MACF1: variants seen among roughly 807,000 people sequenced by gnomAD.
The protein encoded by MACF1 is microtubule actin crosslinking factor 1, also known as microtubule-actin cross-linking factor 1.
Under a neutral mutation model 854.8 loss-of-function variants are expected in MACF1, and 193 were observed. The ratio of observed to expected loss-of-function variants is 0.23; its 90% confidence interval spans 0.20 to 0.25. MACF1 has a LOEUF of 0.25. MACF1 is among the 10% of genes least tolerant of loss of function. The probability of loss-of-function intolerance (pLI) is 1.00; values close to 1 mark genes in which losing one functional copy is unlikely to be tolerated. For missense variants in MACF1, 7,722 were observed against 8,929.1 expected, an observed-to-expected ratio of 0.86 and a Z score of 5.45; for synonymous variants, 3,185 against 3,226.7, an observed-to-expected ratio of 0.99 and a Z score of 0.44.
intron 95 of MACF1, among the ~76,000 whole-genome samples, chr1:39,466,108 A>C (rs1644662533): frequency 6.6e-6 from 1 of 152,204 alleles, no homozygotes; most frequent in South Asian, 2.1e-4. Context: ...CAGGCAACTG[A>C]GGCCTCAAAG....
chr1:39,175,464 A>G (rs1644010481), intron 2 of MACF1, among the ~76,000 whole-genome samples: 1 of 152,214 alleles, frequency 6.6e-6, no homozygotes, highest in Non-Finnish European at 1.5e-5. Flanking sequence ...AAGTCCTCTC[A>G]TCTCATGCTC....
intron 2 of MACF1, among the ~76,000 whole-genome samples, chr1:39,157,409 G>C (rs1313951555): frequency 1.3e-5 from 2 of 152,202 alleles, no homozygotes; most frequent in Admixed American, 6.5e-5. Flanking sequence ...GAGTTTTGCA[G>C]AGCAGTGTAT....
chr1:39,477,076 TATATATATATATATAC>T (rs1426820558), intron 97 of MACF1, among the ~76,000 whole-genome samples: 1,309 of 17,280 alleles, frequency 0.076, 69 homozygotes, highest in East Asian at 0.36. Flanking sequence ...TATATATATA[TATATATATATATATAC>T]ACACACACAC....
rs189316994 is a variant in MACF1, at chr1:39,287,135, A to T, written c.1509-151A>T. ...GCCACCACACCCGGCTAATTTTTGT[A>T]TTTTTAGTAGAGACGGGGTTTCACC... On this transcript the variant is annotated intron_variant, in intron 14 of 100. Transcript: ENST00000564288. 5.2e-4 allele frequency: 414 copies of T among 800,868 alleles called. 4 individuals are homozygous for T. In the African/African-American group the frequency reaches 6.8e-3, roughly 13 times the overall value. 49.6% of individuals were successfully genotyped at this position (800,868 alleles called of 1,614,324 possible). A position where few individuals can be genotyped will look rare whatever the true frequency, so the allele number is the denominator to read the frequency against.
intron 49 of MACF1, among the ~76,000 whole-genome samples, chr1:39,364,139 A>ATT (rs1648465019): frequency 6.6e-6 from 1 of 152,314 alleles, no homozygotes; most frequent in Admixed American, 6.5e-5. Flanking sequence ...GCAGCAGTGT[A>ATT]TTAGAGTACC....
chr1:39,342,209 T>A (rs1202127626), intron 40 of MACF1, among the ~76,000 whole-genome samples: 1 of 152,176 alleles, frequency 6.6e-6, no homozygotes, highest in Non-Finnish European at 1.5e-5. Flanking sequence ...TCCATCCATA[T>A]TGCTTTAAAG....
chr1:39,371,731 T>C (rs576520932), intron 51 of MACF1, among the ~76,000 whole-genome samples: 48 of 152,204 alleles, frequency 3.2e-4, no homozygotes, highest in African/African-American at 1.1e-3. Flanking sequence ...AGCTCCTTAT[T>C]TATCCTCTAG....
Position 39,378,566 on chromosome 1 carries a change from A to G in MACF1, c.13276+43A>G, listed in dbSNP as rs368418902. On this transcript the variant is annotated intron_variant, in intron 53 of 100. Transcript: ENST00000564288. ...ACAGTGCTTCTTTGTTGGATGTGTT[A>G]GGACAGTGTCTATGTTTGCATCTGT... 8.3e-6 allele frequency: 13 copies of G among 1,559,644 alleles called. No individual in the cohort carries two copies. The Admixed American group carries it at 1.0e-4, about 12-fold the overall frequency.
chr1:39,341,738 T>C (rs767899471), intron 40 of MACF1, among the ~76,000 whole-genome samples: 1 of 151,792 alleles, frequency 6.6e-6, no homozygotes, highest in South Asian at 2.1e-4. Context: ...TCAGTGATAA[T>C]GATCATTTCT....
chr1:39,415,241 A>T (rs1327525119), intron 58 of MACF1, among the ~76,000 whole-genome samples: 3 of 151,962 alleles, frequency 2.0e-5, no homozygotes, highest in Non-Finnish European at 4.4e-5. Flanking sequence ...TAAGCAAGTC[A>T]TTTTCCTTTC....
At chr1:39,370,505 G>T (rs1649131362) in intron 51 of MACF1, among the ~76,000 whole-genome samples, 2 of 152,144 alleles carry the variant, frequency 1.3e-5, no homozygotes, top group Admixed American at 6.5e-5. Flanking sequence ...ATGGTTGGAA[G>T]GTACCTTCAA....
chr1:39,097,400 C>T (rs1334052108), intron 2 of MACF1, among the ~76,000 whole-genome samples: 1 of 152,054 alleles, frequency 6.6e-6, no homozygotes, highest in Non-Finnish European at 1.5e-5. Context: ...AGACTGAAGT[C>T]GAGTTGCAAT....
Position 39,485,889 on chromosome 1 carries a change from A to G in MACF1, c.*95A>G, listed in dbSNP as rs1645095672. 1.6e-6 allele frequency: 2 copies of G among 1,272,678 alleles called. No individual in the cohort carries two copies. Among genetic ancestry groups the G allele is most frequent in the Non-Finnish European group, 1.0e-6 (1 of 974,698 alleles). 78.8% of individuals were successfully genotyped at this position (1,272,678 alleles called of 1,614,324 possible). A position where few individuals can be genotyped will look rare whatever the true frequency, so the allele number is the denominator to read the frequency against. ...CTGAACGGGAGAAGTTATATTGTTA[A>G]AAGTGTAAAAGAATAATTGTGTTAT... On this transcript the variant is annotated 3_prime_UTR_variant, in exon 101 of 101. Coordinates refer to ENST00000564288, the MANE Select transcript of MACF1 (RefSeq NM_001394062.1).
intron 58 of MACF1, chr1:39,411,508 C>A (rs772326159): frequency 4.7e-5 from 76 of 1,613,538 alleles, no homozygotes; most frequent in Non-Finnish European, 5.9e-5. Context: ...CAAGGATATA[C>A]CCCTGGATTG....
chr1:39,298,248 A>T (rs1645965443), intron 21 of MACF1, among the ~76,000 whole-genome samples: 1 of 152,190 alleles, frequency 6.6e-6, no homozygotes, highest in Non-Finnish European at 1.5e-5. Context: ...GAAACATTAA[A>T]ATCTTATTTA....
intron 45 of MACF1, 33 bp downstream of exon 45, chr1:39,357,926 A>T: frequency 6.3e-7 from 1 of 1,575,000 alleles, no homozygotes; most frequent in Non-Finnish European, 8.6e-7. Context: ...CCTTGGTGAA[A>T]CAATCATGGC....
Position 39,422,912 on chromosome 1 carries a change from T to A in MACF1, c.16149+12T>A. On this transcript the variant is annotated intron_variant, in intron 60 of 100. Transcript: ENST00000564288. ...TCCAAGAACAGAAGGTAAGTGAGAA[T>A]GTTGGGACAGTGAACTGTAACAGCC... 1 of 1,612,530 alleles carries A rather than the reference T, an allele frequency of 6.2e-7. No individual in the cohort carries two copies. Among genetic ancestry groups the A allele is most frequent in the African/African-American group, 1.3e-5 (1 of 75,026 alleles).
intron 2 of MACF1, among the ~76,000 whole-genome samples, chr1:39,098,694 A>G (rs967917604): frequency 1.3e-5 from 2 of 152,194 alleles, no homozygotes; most frequent in Non-Finnish European, 1.5e-5. Context: ...GCCAGTTGCT[A>G]TGGTAACCCA....
At chr1:39,210,808 C>T (rs929652123) in intron 1 of MACF1, among the ~76,000 whole-genome samples, 1 of 152,158 alleles carries the variant, frequency 6.6e-6, no homozygotes, top group African/African-American at 2.4e-5. Context: ...TATCCTAGTT[C>T]TGCCACTACT....
Sources: allele counts gnomAD v4.1 joint callset (sites outside exome capture counted in the v4.1 genomes callset), GRCh38; gene constraint gnomAD v4.1.1; transcripts MANE v1.5; gene names NCBI Gene and HGNC (gene_info 2026-07-23, HGNC 2026-07-21).